EIF2AK2: variants seen among roughly 807,000 people sequenced by gnomAD.
EIF2AK2 encodes eukaryotic translation initiation factor 2 alpha kinase 2.
A neutral mutation model predicts 70.5 loss-of-function variants in EIF2AK2; 40 were observed. That is an observed-to-expected ratio of 0.57 (90% CI 0.44 to 0.74). The LOEUF (loss-of-function observed/expected upper bound fraction) is 0.74, where lower values mean the gene tolerates loss of function less well. EIF2AK2 is among the 30% of genes least tolerant of loss of function. The pLI is 0.00. For missense variants in EIF2AK2, 555 were observed against 644.3 expected, an observed-to-expected ratio of 0.86 and a Z score of 1.50; for synonymous variants, 198 against 220.9, an observed-to-expected ratio of 0.90 and a Z score of 0.92.
Position 37,139,662 on chromosome 2 carries a change from T to TA in EIF2AK2, c.484dup (p.Tyr162LeufsTer14). Reference sequence around the variant, plus strand: ...GGTTTCTTCTGATAATATCTGAAGATATGCAAGTTTAGCGGCCAATTGTTT... The same window carrying TA: ...GGTTTCTTCTGATAATATCTGAAGATAATGCAAGTTTAGCGGCCAATTGTTT... On this transcript the variant is annotated frameshift_variant, in exon 6 of 17. Coordinates refer to ENST00000233057, the MANE Select transcript of EIF2AK2 (RefSeq NM_001135651.3). LOFTEE classifies it high-confidence loss of function. 1 of 1,614,094 alleles carries TA rather than the reference T, an allele frequency of 6.2e-7. No individual in the cohort carries two copies. Among genetic ancestry groups the TA allele is most frequent in the Non-Finnish European group, 8.5e-7 (1 of 1,180,016 alleles).
chr2:37,152,264 T>C (rs937367872), intron 1 of EIF2AK2, among the ~76,000 whole-genome samples: 4 of 152,198 alleles, frequency 2.6e-5, no homozygotes, highest in East Asian at 1.9e-4. Context: ...TTTGATCTTC[T>C]TTCTTCCAGG....
chr2:37,100,421 G>T lies in EIF2AK2; in HGVS notation c.*6852C>A, dbSNP rs1673799547. ...AATTTGTTAGTTATAGCAGCCATAA[G>T]AAATTAATACAGGTCCAAATCAAAT... On this transcript the variant is annotated 3_prime_UTR_variant, in exon 17 of 17. Transcript: ENST00000233057. 6.6e-6 allele frequency: 1 copy of T among 152,208 alleles called. No individual in the cohort carries two copies. Among genetic ancestry groups the T allele is most frequent in the Admixed American group, 6.5e-5 (1 of 15,286 alleles). 9.4% of individuals were successfully genotyped at this position (152,208 alleles called of 1,614,324 possible).
intron 13 of EIF2AK2, among the ~76,000 whole-genome samples, chr2:37,116,938 G>A (rs185646856): frequency 4.5e-4 from 68 of 152,270 alleles, no homozygotes; most frequent in Non-Finnish European, 7.8e-4. Flanking sequence ...TGGGCAGGGC[G>A]TGGTGAGTCA....
chr2:37,121,788 C>A (rs1276525942), intron 12 of EIF2AK2, among the ~76,000 whole-genome samples: 1 of 151,998 alleles, frequency 6.6e-6, no homozygotes, highest in Admixed American at 6.6e-5. Flanking sequence ...AACTCCTGAA[C>A]TGATGATAAT....
chr2:37,148,387 G>GCCGTATCATTAAA, intron 2 of EIF2AK2: 1 of 319,314 alleles, frequency 3.1e-6, no homozygotes, highest in Non-Finnish European at 5.9e-6. Context: ...GACAGGCTGG[G>GCCGTATCATTAAA]AAATGAACGG....
Position 37,102,509 on chromosome 2 carries a change from CTAGT to C in EIF2AK2, c.*4760_*4763del, listed in dbSNP as rs1336993653. ...GGACTGCATATTGTGAGTTATGTCT[CTAGT>C]TAGTTAACAGATAGTAGAGACCTGG... On this transcript the variant is annotated 3_prime_UTR_variant, in exon 17 of 17. Coordinates refer to ENST00000233057, the MANE Select transcript of EIF2AK2 (RefSeq NM_001135651.3). 5.3e-5 allele frequency: 8 copies of C among 152,146 alleles called. No individual in the cohort carries two copies. The highest frequency in any genetic ancestry group is 1.9e-4 in the African/African-American group (8 of 41,428). The allele number at this position is 152,146 out of a possible 1,614,324, so 9.4% of individuals were successfully genotyped here. A position where few individuals can be genotyped will look rare whatever the true frequency, so the allele number is the denominator to read the frequency against.
intron 14 of EIF2AK2, among the ~76,000 whole-genome samples, chr2:37,113,551 AAAG>A (rs1184767271): frequency 7.9e-5 from 12 of 152,068 alleles, no homozygotes; most frequent in Middle Eastern, 3.4e-3. Flanking sequence ...CATTATAAAC[AAAG>A]AAGTAACAAT....
Position 37,148,980 on chromosome 2 carries a change from A to G in EIF2AK2, c.-140T>C. 2 of 844,034 alleles carry G rather than the reference A, an allele frequency of 2.4e-6. No individual in the cohort carries two copies. Among genetic ancestry groups the G allele is most frequent in the Non-Finnish European group, 4.2e-6 (2 of 475,920 alleles). 52.3% of individuals were successfully genotyped at this position (844,034 alleles called of 1,614,324 possible). ...GAACTGCTAAAGTTTTGAGGTCATT[A>G]CAATTTACAAATCCAGGAAGGCAAA... On this transcript the variant is annotated 5_prime_UTR_variant, in exon 2 of 17. Coordinates refer to ENST00000233057, the MANE Select transcript of EIF2AK2 (RefSeq NM_001135651.3).
rs1673821303 is a variant in EIF2AK2, at chr2:37,101,297, A to G, written c.*5976T>C. 6.6e-6 allele frequency: 1 copy of G among 152,228 alleles called. No individual in the cohort carries two copies. Among genetic ancestry groups the G allele is most frequent in the African/African-American group, 2.4e-5 (1 of 41,456 alleles). The allele number at this position is 152,228 out of a possible 1,614,324, so 9.4% of individuals were successfully genotyped here. ...ATCTTTCCCATTCAGATTTAGAGAA[A>G]GTTCCTTAAAGAAGAATCATAGATG... On this transcript the variant is annotated 3_prime_UTR_variant, in exon 17 of 17. Transcript: ENST00000233057.
chr2:37,120,683 C>T (rs1674511705), intron 12 of EIF2AK2, among the ~76,000 whole-genome samples: 1 of 150,050 alleles, frequency 6.7e-6, no homozygotes, highest in Admixed American at 6.8e-5. Context: ...ATGAGCTGGG[C>T]TGGGCACGGT....
At chr2:37,121,474 A>C (rs1328339506) in intron 12 of EIF2AK2, among the ~76,000 whole-genome samples, 1 of 152,088 alleles carries the variant, frequency 6.6e-6, no homozygotes, top group Non-Finnish European at 1.5e-5. Flanking sequence ...GAGATGAGAA[A>C]ATCAGTTAGA....
intron 10 of EIF2AK2, among the ~76,000 whole-genome samples, chr2:37,130,665 T>C (rs936108828): frequency 1.3e-5 from 2 of 152,180 alleles, no homozygotes; most frequent in Non-Finnish European, 2.9e-5. Context: ...TTGCTTTTAC[T>C]TGGACTGACG....
intron 4 of EIF2AK2, among the ~76,000 whole-genome samples, chr2:37,144,634 A>T (rs1018031928): frequency 2.0e-5 from 3 of 150,530 alleles, no homozygotes; most frequent in African/African-American, 7.4e-5. Flanking sequence ...CCCAGGCTGG[A>T]GTGCAGTCAG....
Position 37,107,172 on chromosome 2 carries a change from C to A in EIF2AK2, c.*101G>T. 2 of 1,337,572 alleles carry A rather than the reference C, an allele frequency of 1.5e-6. No individual in the cohort carries two copies. Among genetic ancestry groups the A allele is most frequent in the South Asian group, 2.1e-5 (1 of 47,968 alleles). 82.9% of individuals were successfully genotyped at this position (1,337,572 alleles called of 1,614,324 possible). On this transcript the variant is annotated 3_prime_UTR_variant, in exon 17 of 17. Transcript: ENST00000233057. ...AAAAATAGTAAAAAATTAAAGGAAA[C>A]ATTAAAATAAAAGGTAAATATCTAT...
intron 10 of EIF2AK2, among the ~76,000 whole-genome samples, chr2:37,135,212 C>A (rs1482954089): frequency 6.6e-6 from 1 of 152,090 alleles, no homozygotes; most frequent in Non-Finnish European, 1.5e-5. Context: ...GTAAGAAACG[C>A]TGATGAAAAA....
In EIF2AK2 at chr2:37,139,722, T is replaced by A. The variant is rs760178328; in HGVS notation, c.425A>T (p.Tyr142Phe). The A allele has an allele frequency of 6.2e-7, 1 of 1,612,902 alleles. No homozygotes were observed. Residue 142 changes from tyrosine to phenylalanine, a missense_variant, in exon 6 of 17, where the codon TAT (tyrosine) becomes TTT (phenylalanine). This residue lies in a region of EIF2AK2 where 208 missense variants were observed against 191.8 expected (regional missense o/e 1.08). Coordinates refer to ENST00000233057, the MANE Select transcript of EIF2AK2 (RefSeq NM_001135651.3). ...TTTAGTAGAACCTGTACCAATACTA[T>A]ATTCTTTCTGTCCCATTTTGCATTT... ...HYKCKMGQKEYSIGTGSTKQE... is the reference protein window; with the variant it reads ...HYKCKMGQKEFSIGTGSTKQE...
In EIF2AK2 at chr2:37,148,662, C is replaced by T. The variant is rs142536420; in HGVS notation, c.-17+195G>A. The T allele has an allele frequency of 3.8e-4, 308 of 819,304 alleles. 1 individual carries two copies. In the African/African-American group the frequency reaches 4.8e-3, roughly 13 times the overall value. The allele number at this position is 819,304 out of a possible 1,614,324, so 50.8% of individuals were successfully genotyped here. A position where few individuals can be genotyped will look rare whatever the true frequency, so the allele number is the denominator to read the frequency against. Reference sequence around the variant, plus strand: ...GACATGCTTTTACTTCAACTTAGAACTGGAAGGACACTTTCTAGGAACAAT... The same window carrying T: ...GACATGCTTTTACTTCAACTTAGAATTGGAAGGACACTTTCTAGGAACAAT... On this transcript the variant is annotated intron_variant, in intron 2 of 16. Transcript: ENST00000233057.
intron 14 of EIF2AK2, among the ~76,000 whole-genome samples, chr2:37,110,984 A>T (rs1674122842): frequency 6.6e-6 from 1 of 152,240 alleles, no homozygotes. Flanking sequence ...CCTTAAAAAG[A>T]AATTCTGACA....
intron 1 of EIF2AK2, among the ~76,000 whole-genome samples, chr2:37,153,296 C>T (rs971470542): frequency 6.6e-6 from 1 of 151,418 alleles, no homozygotes; most frequent in Non-Finnish European, 1.5e-5. Context: ...ACCCATTAAA[C>T]AGTAACTCCC....
Sources: allele counts gnomAD v4.1 joint callset (sites outside exome capture counted in the v4.1 genomes callset), GRCh38; gene constraint gnomAD v4.1.1; regional missense constraint gnomAD v4.1.1; transcripts MANE v1.5; gene names NCBI Gene and HGNC (gene_info 2026-07-23, HGNC 2026-07-21).